The following ANO10 variants were observed in gnomAD, a reference collection of about 807,000 sequenced individuals.
ANO10 encodes the protein anoctamin 10, also known as anoctamin-10.
ANO10 carries 77 observed loss-of-function variants against 74.7 expected under a neutral mutation model. That is an observed-to-expected ratio of 1.03 (90% CI 0.86 to 1.25). The LOEUF is 1.25. ANO10 is among the 50% of genes most tolerant of loss of function. The pLI is 0.00. For missense variants in ANO10, 721 were observed against 778.1 expected (o/e 0.93, Z 0.87); for synonymous variants, 279 against 284.9 (o/e 0.98, Z 0.21).
intron 11 of ANO10, among the ~76,000 whole-genome samples, chr3:43,506,519 C>T (rs543867341): frequency 2.6e-5 from 4 of 152,286 alleles, no homozygotes; most frequent in African/African-American, 9.6e-5. Flanking sequence ...CAGAGCCCTC[C>T]GGCAGCTCCC....
At chr3:43,641,499 T>C (rs1317421422) in intron 1 of ANO10, among the ~76,000 whole-genome samples, 2 of 152,176 alleles carry the variant, frequency 1.3e-5, no homozygotes, top group African/African-American at 4.8e-5. Flanking sequence ...AAGGCCTTTG[T>C]GCAACATCCA....
At chr3:43,395,354 C>A (rs146782540) in intron 12 of ANO10, among the ~76,000 whole-genome samples, 285 of 152,272 alleles carry the variant, frequency 1.9e-3, no homozygotes, top group African/African-American at 6.5e-3. Flanking sequence ...GCTGAGAAAT[C>A]TTTGCCTAAT....
intron 12 of ANO10, among the ~76,000 whole-genome samples, chr3:43,390,867 C>T (rs761168857): frequency 1.2e-4 from 19 of 152,170 alleles, no homozygotes; most frequent in South Asian, 4.1e-4. Context: ...GTAATCAGAA[C>T]GGATCTAAGG....
chr3:43,614,702 C>T (rs916322395), intron 1 of ANO10, among the ~76,000 whole-genome samples: 2 of 145,926 alleles, frequency 1.4e-5, no homozygotes, highest in Admixed American at 7.0e-5. Flanking sequence ...TAATATTAAA[C>T]GTTCATACTC....
chr3:43,575,714 T>G (rs529490158), intron 6 of ANO10, among the ~76,000 whole-genome samples: 4 of 152,166 alleles, frequency 2.6e-5, no homozygotes, highest in African/African-American at 9.7e-5. Context: ...CTCGGCTCAC[T>G]GCAACCTCTG....
chr3:43,634,476 A>C (rs979243168), intron 1 of ANO10, among the ~76,000 whole-genome samples: 2 of 152,250 alleles, frequency 1.3e-5, no homozygotes, highest in East Asian at 3.9e-4. Context: ...CTTATATATA[A>C]ATGTTACATA....
At chr3:43,508,005 T>C (rs928265261) in intron 11 of ANO10, among the ~76,000 whole-genome samples, 2 of 152,148 alleles carry the variant, frequency 1.3e-5, no homozygotes, top group Admixed American at 6.5e-5. Context: ...AAATAAAGTA[T>C]AATTTTAATA....
At chr3:43,369,611 C>T (rs963496157) in intron 12 of ANO10, among the ~76,000 whole-genome samples, 1 of 152,210 alleles carries the variant, frequency 6.6e-6, no homozygotes, top group Non-Finnish European at 1.5e-5. Context: ...AGGCTGTGCT[C>T]CCAGGGCCTC....
chr3:43,464,857 A>C (rs2075547025), intron 11 of ANO10, among the ~76,000 whole-genome samples: 1 of 152,224 alleles, frequency 6.6e-6, no homozygotes, highest in African/African-American at 2.4e-5. Context: ...AAATTTCCTC[A>C]ATCTTAAAAA....
At chr3:43,513,979 AT>A (rs1559635046) in intron 11 of ANO10, among the ~76,000 whole-genome samples, 6 of 150,418 alleles carry the variant, frequency 4.0e-5, no homozygotes. Flanking sequence ...CTGTTTTTCT[AT>A]TTTTGCTTGC....
At chr3:43,593,634 G>T (rs55969335) in intron 4 of ANO10, among the ~76,000 whole-genome samples, 1 of 151,924 alleles carries the variant, frequency 6.6e-6, no homozygotes, top group East Asian at 1.9e-4. Context: ...TGGAACAACC[G>T]GTACCAGCCA....
At chr3:43,440,370 T>C (rs1278641511) in intron 11 of ANO10, among the ~76,000 whole-genome samples, 1 of 151,996 alleles carries the variant, frequency 6.6e-6, no homozygotes, top group South Asian at 2.1e-4. Context: ...TCATTTACCA[T>C]GAAAATGGCA....
chr3:43,484,781 G>A (rs1263188112), intron 11 of ANO10, among the ~76,000 whole-genome samples: 1 of 152,156 alleles, frequency 6.6e-6, no homozygotes. Context: ...AGGTCTTCTT[G>A]GCCAAGAGAG....
At chr3:43,634,310 A>T (rs1026153189) in intron 1 of ANO10, among the ~76,000 whole-genome samples, 34 of 152,198 alleles carry the variant, frequency 2.2e-4, no homozygotes, top group African/African-American at 8.0e-4. Context: ...AATTAAAAAA[A>T]ATAAGATAGG....
At chr3:43,543,860 T>A (rs902134722) in intron 11 of ANO10, among the ~76,000 whole-genome samples, 1 of 152,214 alleles carries the variant, frequency 6.6e-6, no homozygotes, top group Non-Finnish European at 1.5e-5. Flanking sequence ...CAGTGTAATT[T>A]CTGGGATGAG....
chr3:43,484,672 G>A (rs1212456440), intron 11 of ANO10, among the ~76,000 whole-genome samples: 1 of 152,168 alleles, frequency 6.6e-6, no homozygotes, highest in Admixed American at 6.5e-5. Flanking sequence ...GTTAGTGCTA[G>A]TCAGTTGTGC....
At chr3:43,632,279 T>C (rs906154249) in intron 1 of ANO10, among the ~76,000 whole-genome samples, 9 of 152,186 alleles carry the variant, frequency 5.9e-5, no homozygotes, top group Non-Finnish European at 1.0e-4. Context: ...TAGGCTTCCT[T>C]GTCTTCTGGT....
rs975416733 is a variant in ANO10 at position 43,663,255 on chromosome 3, C to T, written c.-12+28262G>A. Among the ~76,000 whole-genome samples, 5 of 152,206 alleles carry T rather than the reference C, an allele frequency of 3.3e-5. 1 individual carries two copies. The highest frequency in any genetic ancestry group is 9.6e-5 in the African/African-American group (4 of 41,542). On this transcript the variant is annotated intron_variant, in intron 1 of 3. Coordinates refer to the ANO10 transcript ENST00000413397. ...GGTTCAACATATGCAAATCAATAAA[C>T]GTAATCCATCACATAAACAGAACCA...
At chr3:43,407,258 A>G (rs1375406950) in intron 12 of ANO10, among the ~76,000 whole-genome samples, 1 of 152,112 alleles carries the variant, frequency 6.6e-6, no homozygotes, top group Non-Finnish European at 1.5e-5. Context: ...TAATGATGAG[A>G]ATACCAAATC....
Sources: allele counts gnomAD v4.1 joint callset (sites outside exome capture counted in the v4.1 genomes callset), GRCh38; gene constraint gnomAD v4.1.1; transcripts MANE v1.5; gene names NCBI Gene and HGNC (gene_info 2026-07-23, HGNC 2026-07-21).